NPAS3: variants seen among roughly 807,000 people sequenced by gnomAD.
NPAS3 encodes neuronal PAS domain-containing protein 3.
Under a neutral mutation model 73.1 loss-of-function variants are expected in NPAS3, and 14 were observed. The observed-to-expected ratio is 0.19, with a 90% confidence interval of 0.13 to 0.30. NPAS3 has a LOEUF of 0.30. Ranked by LOEUF, NPAS3 falls within the 10% of genes least tolerant of loss-of-function variation. NPAS3 has a pLI of 1.00. For synonymous variants in NPAS3, 620 were observed against 541.5 expected, an observed-to-expected ratio of 1.14 and a Z score of -2.01; for missense variants, 1,096 against 1,250.0, an observed-to-expected ratio of 0.88 and a Z score of 1.86.
chr14:33,683,166 A>C (rs1182677754), intron 6 of NPAS3, among the ~76,000 whole-genome samples: 2 of 152,182 alleles, frequency 1.3e-5, no homozygotes, highest in African/African-American at 4.8e-5. Flanking sequence ...TGTTTTGTTG[A>C]ATAATAGAAG....
At chr14:33,310,585 G>A (rs1594660475) in intron 3 of NPAS3, among the ~76,000 whole-genome samples, 1 of 152,238 alleles carries the variant, frequency 6.6e-6, no homozygotes, top group South Asian at 2.1e-4. Flanking sequence ...TTTAAATGAA[G>A]TGACCATGAA....
intron 4 of NPAS3, among the ~76,000 whole-genome samples, chr14:33,476,227 A>G (rs940864984): frequency 4.6e-5 from 7 of 152,252 alleles, no homozygotes; most frequent in Non-Finnish European, 1.0e-4. Context: ...TGAACATTGC[A>G]TAAAAATATG....
intron 6 of NPAS3, among the ~76,000 whole-genome samples, chr14:33,732,280 C>T (rs1488878729): frequency 2.0e-5 from 3 of 152,142 alleles, no homozygotes; most frequent in Admixed American, 6.6e-5. Context: ...GGGTCACACA[C>T]CACCAAGGCC....
chr14:33,748,466 A>G (rs1341205918), intron 7 of NPAS3, among the ~76,000 whole-genome samples: 1 of 152,230 alleles, frequency 6.6e-6, no homozygotes, highest in East Asian at 1.9e-4. Context: ...TACAGTCAAG[A>G]GATACTTGAT....
chr14:33,380,949 T>C (rs17100908), intron 4 of NPAS3, among the ~76,000 whole-genome samples: 37,528 of 152,080 alleles, frequency 0.25, 4,890 homozygotes, highest in South Asian at 0.4. Flanking sequence ...AAATTTCATC[T>C]GGTATAGAGA....
intron 1 of NPAS3, among the ~76,000 whole-genome samples, chr14:33,024,142 ATGTG>A (rs5807700): frequency 0.06 from 8,610 of 143,172 alleles, 249 homozygotes; most frequent in Non-Finnish European, 0.07. Context: ...GTGTGTGTAT[ATGTG>A]TGTGTGTGTG....
intron 5 of NPAS3, among the ~76,000 whole-genome samples, chr14:33,605,638 T>G (rs2057536116): frequency 6.6e-6 from 1 of 152,154 alleles, no homozygotes; most frequent in Admixed American, 6.5e-5. Flanking sequence ...AACAGCATTC[T>G]TAAGTACTTC....
At chr14:33,215,070 A>G in intron 2 of NPAS3, 112 bp from the exon 3 acceptor site, 1 of 1,141,832 alleles carries the variant, frequency 8.8e-7, no homozygotes, top group South Asian at 1.5e-5. Flanking sequence ...TAGTTTTGAA[A>G]TAGTTTTTGG....
At chr14:33,624,815 C>T (rs114461187) in intron 5 of NPAS3, among the ~76,000 whole-genome samples, 2,050 of 152,172 alleles carry the variant, frequency 0.013, 48 homozygotes, top group African/African-American at 0.046. Flanking sequence ...GTAAGTTTTG[C>T]GCATCTAGTT....
intron 2 of NPAS3, among the ~76,000 whole-genome samples, chr14:33,134,412 C>A (rs1327616906): frequency 2.6e-5 from 4 of 152,124 alleles, no homozygotes; most frequent in South Asian, 2.1e-4. Context: ...CTTAAACACT[C>A]AATTTTACAT....
chr14:33,622,287 A>G (rs1014218303), intron 5 of NPAS3, among the ~76,000 whole-genome samples: 1 of 152,210 alleles, frequency 6.6e-6, no homozygotes, highest in African/African-American at 2.4e-5. Context: ...GGATTTCCGT[A>G]TAGCTAACAG....
At chr14:33,549,797 C>G (rs985125427) in intron 4 of NPAS3, among the ~76,000 whole-genome samples, 9 of 151,876 alleles carry the variant, frequency 5.9e-5, no homozygotes, top group Admixed American at 3.3e-4. Flanking sequence ...AACTTCATTC[C>G]CATGATTCCT....
chr14:33,140,243 A>G (rs1485207402), intron 2 of NPAS3, among the ~76,000 whole-genome samples: 1 of 152,130 alleles, frequency 6.6e-6, no homozygotes, highest in African/African-American at 2.4e-5. Flanking sequence ...ATGAGGAAAA[A>G]CAAGTTTGAC....
chr14:33,544,142 G>T (rs755199212), intron 4 of NPAS3, among the ~76,000 whole-genome samples: 3 of 151,516 alleles, frequency 2.0e-5, no homozygotes, highest in Non-Finnish European at 4.4e-5. Context: ...ATGATTTGGG[G>T]TCTATTTATT....
chr14:33,055,113 T>G (rs746554033), intron 1 of NPAS3, among the ~76,000 whole-genome samples: 1 of 152,202 alleles, frequency 6.6e-6, no homozygotes, highest in Non-Finnish European at 1.5e-5. Context: ...AAATGATAGA[T>G]TCTTTAAATA....
In NPAS3 at chr14:33,722,197, G is replaced by A. The variant is rs1595501390; in HGVS notation, c.734-13017G>A. 2.0e-5 allele frequency among the ~76,000 whole-genome samples: 3 copies of A among 152,298 alleles called. No individual in the cohort carries two copies. The East Asian group carries it at 5.8e-4, about 29-fold the overall frequency. Reference sequence around the variant, plus strand: ...TGGTAAAAACATCAAGTATGTCATTGGAAAGCTATATTTGAAGAGATCACT... The same window carrying A: ...TGGTAAAAACATCAAGTATGTCATTAGAAAGCTATATTTGAAGAGATCACT... On this transcript the variant is annotated intron_variant, in intron 6 of 11. Coordinates refer to ENST00000356141, the Ensembl canonical transcript of NPAS3.
At chr14:33,737,791 A>G (rs1292712769) in intron 7 of NPAS3, among the ~76,000 whole-genome samples, 1 of 152,174 alleles carries the variant, frequency 6.6e-6, no homozygotes, top group African/African-American at 2.4e-5. Flanking sequence ...AAACATTCCA[A>G]TAAAACTGGT....
intron 2 of NPAS3, among the ~76,000 whole-genome samples, chr14:33,148,907 A>G (rs1216952009): frequency 6.6e-6 from 1 of 152,046 alleles, no homozygotes; most frequent in Non-Finnish European, 1.5e-5. Context: ...GGCTGGTCTC[A>G]AACTCCTGGG....
rs117963888 is a variant in NPAS3 at position 33,003,678 on chromosome 14, T to C, written c.51-52227T>C. On this transcript the variant is annotated intron_variant, in intron 1 of 11. Transcript: ENST00000356141. ...AAGTAAGATTTTCACAGTGGAAGCTTTGCAACAGTTGAATGATTTAAGATT... is the reference window on the plus strand; with the variant it reads ...AAGTAAGATTTTCACAGTGGAAGCTCTGCAACAGTTGAATGATTTAAGATT... 3.5e-3 allele frequency among the ~76,000 whole-genome samples: 538 copies of C among 152,288 alleles called. 3 individuals are homozygous for C. Among genetic ancestry groups the C allele is most frequent in the Non-Finnish European group, 5.5e-3 (371 of 68,012 alleles).
Sources: allele counts gnomAD v4.1 joint callset (sites outside exome capture counted in the v4.1 genomes callset), GRCh38; gene constraint gnomAD v4.1.1; transcripts MANE v1.5; gene names NCBI Gene and HGNC (gene_info 2026-07-23, HGNC 2026-07-21).